The following PLXNA4 variants were observed in gnomAD, a reference collection of about 807,000 sequenced individuals.
PLXNA4 encodes plexin A4.
A neutral mutation model predicts 191.8 loss-of-function variants in PLXNA4; 44 were observed. The observed-to-expected ratio is 0.23, with a 90% CI of 0.18 to 0.29. PLXNA4 has a LOEUF of 0.29. Among genes scored for constraint, PLXNA4 ranks in the 10% least tolerant of loss-of-function variants. The pLI is 1.00. For missense variants in PLXNA4, 1,800 were observed against 2,488.8 expected, an observed-to-expected ratio of 0.72 and a Z score of 5.89; for synonymous variants, 1,082 against 1,009.5, an observed-to-expected ratio of 1.07 and a Z score of -1.36.
Position 132,194,460 on chromosome 7 carries a change from C to T in PLXNA4, c.2739-281G>A, listed in dbSNP as rs114207813. ...AGTCCCTAATTCATTATTATCTACTCAGTTGTCAACTAGACTGGAGGGCAT... is the reference window on the plus strand; with the variant it reads ...AGTCCCTAATTCATTATTATCTACTTAGTTGTCAACTAGACTGGAGGGCAT... On this transcript the variant is annotated intron_variant, in intron 13 of 31. Transcript: ENST00000321063. Among the ~76,000 whole-genome samples, 925 of 152,324 alleles carry T rather than the reference C, an allele frequency of 6.1e-3. 12 individuals are homozygous for T. The highest frequency in any genetic ancestry group is 0.021 in the African/African-American group (874 of 41,566).
intron 4 of PLXNA4, among the ~76,000 whole-genome samples, chr7:132,264,603 G>A (rs73157234): frequency 0.05 from 7,638 of 151,924 alleles, 317 homozygotes; most frequent in African/African-American, 0.11. Context: ...CACAGGCCAC[G>A]CTGGGCTCCT....
At chr7:132,339,064 C>A (rs1802925091) in intron 3 of PLXNA4, among the ~76,000 whole-genome samples, 1 of 152,156 alleles carries the variant, frequency 6.6e-6, no homozygotes. Context: ...TCCAGAATGG[C>A]AAGGAGTCTG....
intron 3 of PLXNA4, among the ~76,000 whole-genome samples, chr7:132,444,071 G>A (rs1032351688): frequency 6.6e-6 from 1 of 152,226 alleles, no homozygotes; most frequent in African/African-American, 2.4e-5. Flanking sequence ...ACCAACTTAA[G>A]AACATTGTCT....
chr7:132,358,198 G>A (rs537918746), intron 3 of PLXNA4, among the ~76,000 whole-genome samples: 1 of 152,288 alleles, frequency 6.6e-6, no homozygotes, highest in East Asian at 1.9e-4. Flanking sequence ...CAGATATTTT[G>A]AAATATACAA....
At chr7:132,373,274 A>C (rs879511490) in intron 3 of PLXNA4, among the ~76,000 whole-genome samples, 2 of 152,148 alleles carry the variant, frequency 1.3e-5, no homozygotes, top group African/African-American at 2.4e-5. Flanking sequence ...CAGGGATGCC[A>C]AGTACACCTT....
intron 3 of PLXNA4, among the ~76,000 whole-genome samples, chr7:132,409,000 G>T (rs1458935126): frequency 3.9e-5 from 6 of 151,946 alleles, no homozygotes; most frequent in Admixed American, 3.9e-4. Flanking sequence ...CTCAAAAAGG[G>T]GTCCAAGCAG....
chr7:132,558,673 C>T (rs1037975748), intron 1 of PLXNA4, among the ~76,000 whole-genome samples: 2 of 152,236 alleles, frequency 1.3e-5, no homozygotes, highest in Admixed American at 1.3e-4. Flanking sequence ...CCCCAACAAT[C>T]GGCCTGGGGC....
At position 132,181,392 on chromosome 7, in the gene PLXNA4, T is replaced by G; in HGVS notation, c.3481A>C (p.Ile1161Leu). The G allele has an allele frequency of 6.2e-7, 1 of 1,613,838 alleles. No individual in the cohort carries two copies. The change falls in exon 18 of 32, where the codon ATC becomes CTC. Residue 1161 changes from isoleucine (I) to leucine (L), a missense_variant. Physicochemically the swap from Ile to Leu is conservative, Grantham distance 5. Around this residue, in one of 6 missense-constraint regions of PLXNA4, gnomAD observed 1,397 missense variants for 1,880.4 expected, o/e 0.74. Coordinates refer to ENST00000321063, the MANE Select transcript of PLXNA4 (RefSeq NM_020911.2). Reference protein sequence around the residue: ...GILELKPGTPIILKGKNLIPP... With the variant: ...GILELKPGTPLILKGKNLIPP... ...CACCCTCACTCCACCTTTAGGATGA[T>G]GGGCGTGCCAGGCTTGAGCTCCAGG... is the stretch of plus-strand genomic sequence containing the variant.
chr7:132,311,129 C>T (rs1384312395), intron 3 of PLXNA4, among the ~76,000 whole-genome samples: 1 of 150,364 alleles, frequency 6.7e-6, no homozygotes, highest in Non-Finnish European at 1.5e-5. Flanking sequence ...TTCAAAGTAG[C>T]CCCAGTTCCT....
At chr7:132,534,944 T>G (rs75944106) in intron 1 of PLXNA4, among the ~76,000 whole-genome samples, 1 of 152,184 alleles carries the variant, frequency 6.6e-6, no homozygotes, top group Non-Finnish European at 1.5e-5. Flanking sequence ...CGATTTACTG[T>G]GTTATTTCAC....
chr7:132,453,689 G>T (rs1032566424), intron 3 of PLXNA4, among the ~76,000 whole-genome samples: 1 of 151,964 alleles, frequency 6.6e-6, no homozygotes, highest in African/African-American at 2.4e-5. Flanking sequence ...TTACAGGCAC[G>T]TGCCACCATG....
At chr7:132,486,704 G>C (rs750028626) in intron 3 of PLXNA4, among the ~76,000 whole-genome samples, 11 of 152,238 alleles carry the variant, frequency 7.2e-5, no homozygotes, top group Non-Finnish European at 1.6e-4. Context: ...GAATATCCCA[G>C]GTGGCTGAAA....
intron 3 of PLXNA4, among the ~76,000 whole-genome samples, chr7:132,456,683 A>G (rs1796326416): frequency 6.8e-6 from 1 of 146,100 alleles, no homozygotes; most frequent in South Asian, 2.4e-4. Context: ...TGGGCCAGGA[A>G]GAGAAGAGGG....
At chr7:132,432,236 C>T (rs1430613406) in intron 3 of PLXNA4, among the ~76,000 whole-genome samples, 1 of 152,132 alleles carries the variant, frequency 6.6e-6, no homozygotes, top group Non-Finnish European at 1.5e-5. Context: ...CTCTAAGAAG[C>T]CTTTAGTTAG....
chr7:132,250,966 A>G (rs1562991790), intron 4 of PLXNA4, among the ~76,000 whole-genome samples: 1 of 151,710 alleles, frequency 6.6e-6, no homozygotes, highest in Non-Finnish European at 1.5e-5. Flanking sequence ...CTGGAGAAAA[A>G]TGAAAGTTTC....
intron 2 of PLXNA4, among the ~76,000 whole-genome samples, chr7:132,492,274 A>G (rs1392588841): frequency 6.6e-6 from 1 of 152,132 alleles, no homozygotes; most frequent in Non-Finnish European, 1.5e-5. Context: ...CTCAGCTCCC[A>G]AAATTGCATT....
At chr7:132,358,603 T>C (rs1803806052) in intron 3 of PLXNA4, among the ~76,000 whole-genome samples, 1 of 152,228 alleles carries the variant, frequency 6.6e-6, no homozygotes, top group Non-Finnish European at 1.5e-5. Context: ...AGTTAATTCC[T>C]TAATGCATGT....
chr7:132,317,179 T>C (rs1474226808), intron 3 of PLXNA4, among the ~76,000 whole-genome samples: 1 of 152,158 alleles, frequency 6.6e-6, no homozygotes, highest in South Asian at 2.1e-4. Flanking sequence ...TAAGTTTGTG[T>C]TGGATTAAAT....
intron 3 of PLXNA4, among the ~76,000 whole-genome samples, chr7:132,302,381 G>A (rs1423661006): frequency 6.6e-6 from 1 of 152,140 alleles, no homozygotes; most frequent in Non-Finnish European, 1.5e-5. Flanking sequence ...CCAAGGAAGA[G>A]GTCATGCCTG....
Sources: gnomAD v4.1 joint callset for allele counts (sites outside exome capture counted in the v4.1 genomes callset) on GRCh38, gnomAD v4.1.1 for gene constraint, gnomAD v4.1.1 regional missense constraint, MANE v1.5 for transcripts, NCBI Gene and HGNC (gene_info 2026-07-23, HGNC 2026-07-21) for gene names.